Variants in PTK7 observed in about 807,000 individuals in gnomAD.
PTK7 encodes inactive tyrosine-protein kinase 7.
A neutral mutation model predicts 116.6 loss-of-function variants in PTK7; 39 were observed. The observed-to-expected ratio is 0.33, with a 90% CI of 0.26 to 0.44. The LOEUF (loss-of-function observed/expected upper bound fraction) is 0.44, where lower values mean the gene tolerates loss of function less well. Among genes scored for constraint, PTK7 ranks in the 20% least tolerant of loss-of-function variants. PTK7 has a pLI of 1.00. For synonymous variants in PTK7, 546 were observed against 563.6 expected (o/e 0.97, Z 0.44); for missense variants, 1,169 against 1,425.6 (o/e 0.82, Z 2.90).
At chr6:43,128,774 A>G (rs990003767) in intron 1 of PTK7, among the ~76,000 whole-genome samples, 2 of 152,192 alleles carry the variant, frequency 1.3e-5, no homozygotes, top group African/African-American at 4.8e-5. Context: ...GACAAGAGCA[A>G]AAAAAGAAAA....
At position 43,157,362 on chromosome 6, in the gene PTK7, AT is replaced by A. The variant is rs1561990574; in HGVS notation, c.2722-1454del. ...TATATATATATATATATATATATAT[AT>A]ATTTTTTTTTTTCTTTTTTTTTTTT... On this transcript the variant is annotated intron_variant, in intron 17 of 19. Transcript: ENST00000230419. 3.5e-4 allele frequency among the ~76,000 whole-genome samples: 12 copies of A among 34,238 alleles called. 2 individuals carry two copies. Among genetic ancestry groups the A allele is most frequent in the African/African-American group, 1.4e-3 (10 of 7,370 alleles). The allele number at this position is 34,238 out of a possible 152,430, so 22.5% of individuals were successfully genotyped here. A position where few individuals can be genotyped will look rare whatever the true frequency, so the allele number is the denominator to read the frequency against.
chr6:43,101,074 A>G (rs1263758040), intron 1 of PTK7, among the ~76,000 whole-genome samples: 1 of 151,732 alleles, frequency 6.6e-6, no homozygotes, highest in African/African-American at 2.4e-5. Flanking sequence ...CTCTACTAAA[A>G]ATACAAAATT....
intron 1 of PTK7, among the ~76,000 whole-genome samples, chr6:43,100,398 T>G (rs1310688124): frequency 3.5e-5 from 5 of 144,386 alleles, no homozygotes. Flanking sequence ...AAAAAAAAAA[T>G]CATTAGGGTT....
At chr6:43,137,081 G>A (rs1770085504) in intron 7 of PTK7, among the ~76,000 whole-genome samples, 2 of 152,206 alleles carry the variant, frequency 1.3e-5, no homozygotes, top group African/African-American at 4.8e-5. Flanking sequence ...GAAAGGGATG[G>A]GAGGATTGTT....
In PTK7 at chr6:43,142,055, C is replaced by T. The variant is rs768852199; in HGVS notation, c.1893C>T (p.Ile631=). 13 of 1,613,752 alleles carry T rather than the reference C, an allele frequency of 8.1e-6. No individual in the cohort carries two copies. The highest frequency in any genetic ancestry group is 7.6e-6 in the Non-Finnish European group (9 of 1,179,932). ...TTCAGTGGAAAGGCAAGGACCGCATCCTGGACCCCACCAAGCTGGGACCCA... is the reference window on the plus strand; with the variant it reads ...TTCAGTGGAAAGGCAAGGACCGCATTCTGGACCCCACCAAGCTGGGACCCA... ...PLIQWKGKDR[I]LDPTKLGPRM... The change falls in exon 12 of 20, where the codon ATC becomes ATT. Residue 631 remains isoleucine (I), a synonymous_variant. Coordinates refer to ENST00000230419, the MANE Select transcript of PTK7 (RefSeq NM_002821.5).
intron 17 of PTK7, among the ~76,000 whole-genome samples, chr6:43,154,331 C>CAA (rs915423793): frequency 1.4e-5 from 2 of 140,122 alleles, no homozygotes; most frequent in African/African-American, 5.3e-5. Context: ...CACCCTGTCT[C>CAA]AAAAAAAAAA....
Position 43,158,894 on chromosome 6 carries a change from G to A in PTK7, c.2799G>A (p.Ala933=), listed in dbSNP as rs778907731. 21 of 1,614,120 alleles carry A rather than the reference G, an allele frequency of 1.3e-5. No homozygotes were observed. The highest frequency in any genetic ancestry group is 1.6e-4 in the Middle Eastern group (1 of 6,084). ...GCTTTGTGCATAAGGACTTGGCTGCGCGTAACTGCCTGGTCAGTGCCCAGA... is the reference window on the plus strand; with the variant it reads ...GCTTTGTGCATAAGGACTTGGCTGCACGTAACTGCCTGGTCAGTGCCCAGA... The part of the protein sequence containing the change: ...NNRFVHKDLA[A]RNCLVSAQRQ... Residue 933 remains alanine (A), a synonymous_variant, in exon 18 of 20, where the codon GCG becomes GCA. Transcript: ENST00000230419.
At chr6:43,146,864 C>T (rs1272064255) in intron 17 of PTK7, among the ~76,000 whole-genome samples, 166 bp downstream of exon 17, 6 of 152,234 alleles carry the variant, frequency 3.9e-5, no homozygotes, top group Admixed American at 3.9e-4. Context: ...ATACTACTAT[C>T]CCCATTTTGT....
chr6:43,089,883 G>A (rs998515814), intron 1 of PTK7, among the ~76,000 whole-genome samples: 4 of 152,230 alleles, frequency 2.6e-5, no homozygotes, highest in Non-Finnish European at 4.4e-5. Flanking sequence ...GTCCTGAGCT[G>A]TGCCATGGAC....
intron 1 of PTK7, among the ~76,000 whole-genome samples, chr6:43,079,627 A>G (rs1468833299): frequency 2.6e-5 from 4 of 152,126 alleles, no homozygotes; most frequent in Admixed American, 6.5e-5. Flanking sequence ...GGTCTCCTCT[A>G]TCACCCAGGC....
intron 17 of PTK7, among the ~76,000 whole-genome samples, chr6:43,157,354 ATATATATATATTTTTTTTTTTCTTTT>A (rs1213287582): frequency 1.6e-3 from 6 of 3,724 alleles, no homozygotes; most frequent in Admixed American, 5.2e-3. Flanking sequence ...ATATATATAT[ATATATATATATTTTTTTTTTTCTTTT>A]TTTTTTTTTT....
intron 7 of PTK7, among the ~76,000 whole-genome samples, chr6:43,135,751 T>C (rs1769996095): frequency 6.6e-6 from 1 of 152,244 alleles, no homozygotes; most frequent in Non-Finnish European, 1.5e-5. Context: ...GTAAGGACTT[T>C]GGCTTCGGCA....
rs973685612 is a variant in PTK7, at chr6:43,156,473, A to G, written c.2722-2344A>G. Among the ~76,000 whole-genome samples, 11 of 152,016 alleles carry G rather than the reference A, an allele frequency of 7.2e-5. 1 individual carries two copies. The highest frequency in any genetic ancestry group is 2.7e-4 in the African/African-American group (11 of 41,486). On this transcript the variant is annotated intron_variant, in intron 17 of 19. Coordinates refer to ENST00000230419, the MANE Select transcript of PTK7 (RefSeq NM_002821.5). ...ACAAAAATAAAAAAGGCTGGGATTG[A>G]TGGTACACATTTTTGTCCCAGCTAC... is the stretch of plus-strand genomic sequence containing the variant.
At chr6:43,160,119 C>G in intron 19 of PTK7, 153 bp downstream of exon 19, 1 of 802,536 alleles carries the variant, frequency 1.2e-6, no homozygotes, top group South Asian at 1.9e-5. Context: ...TACTGCAATA[C>G]TTTGTTTTTC....
intron 1 of PTK7, among the ~76,000 whole-genome samples, chr6:43,111,544 A>G (rs2150403054): frequency 6.6e-6 from 1 of 152,372 alleles, no homozygotes; most frequent in South Asian, 2.1e-4. Context: ...ATAATGGCTA[A>G]GAGTCCAAAC....
At chr6:43,077,843 G>T (rs1766143843) in intron 1 of PTK7, among the ~76,000 whole-genome samples, 1 of 152,242 alleles carries the variant, frequency 6.6e-6, no homozygotes, top group Non-Finnish European at 1.5e-5. Context: ...AGTTGTAAAA[G>T]GAGAGGTAAA....
At chr6:43,095,436 C>T (rs985915896) in intron 1 of PTK7, among the ~76,000 whole-genome samples, 6 of 146,210 alleles carry the variant, frequency 4.1e-5, no homozygotes, top group Non-Finnish European at 6.1e-5. Context: ...TGTGTAGATG[C>T]GTGTGTCAAG....
At chr6:43,083,573 C>T (rs1050821928) in intron 1 of PTK7, among the ~76,000 whole-genome samples, 3 of 152,172 alleles carry the variant, frequency 2.0e-5, no homozygotes, top group African/African-American at 4.8e-5. Flanking sequence ...GCATTTAGGC[C>T]GTTTCCCTCC....
At chr6:43,149,378 A>G (rs1770938732) in intron 17 of PTK7, among the ~76,000 whole-genome samples, 1 of 149,852 alleles carries the variant, frequency 6.7e-6, no homozygotes, top group Non-Finnish European at 1.5e-5. Context: ...GTCTCAAAAG[A>G]AAAAAAAAAG....
Sources: gnomAD v4.1 joint callset for allele counts (sites outside exome capture counted in the v4.1 genomes callset) on GRCh38, gnomAD v4.1.1 for gene constraint, MANE v1.5 for transcripts, NCBI Gene and HGNC (gene_info 2026-07-23, HGNC 2026-07-21) for gene names.